CLCN5: variants seen among roughly 807,000 people sequenced by gnomAD.
The protein encoded by CLCN5 is H(+)/Cl(-) exchange transporter 5.
Under a neutral mutation model 54.0 loss-of-function variants are expected in CLCN5, and 17 were observed. That is an observed-to-expected ratio of 0.31 (90% CI 0.22 to 0.47). The LOEUF is 0.47. Ranked by LOEUF, CLCN5 falls within the 20% of genes least tolerant of loss-of-function variation. The pLI is 1.00. For synonymous variants in CLCN5, 222 were observed against 233.0 expected, an observed-to-expected ratio of 0.95 and a Z score of 0.43; for missense variants, 448 against 646.7, an observed-to-expected ratio of 0.69 and a Z score of 3.33.
intron 3 of CLCN5, among the ~76,000 whole-genome samples, chrX:49,964,897 G>A (rs192573144): frequency 2.7e-5 from 3 of 110,929 alleles, no homozygotes; most frequent in East Asian, 5.7e-4. Flanking sequence ...CCTACAGACC[G>A]CACATAGGAT....
intron 3 of CLCN5, among the ~76,000 whole-genome samples, chrX:50,007,422 TC>T (rs1569538567): frequency 0.069 from 6,742 of 97,276 alleles, 591 homozygotes; most frequent in African/African-American, 0.3. Context: ...TCTCTCTCTC[TC>T]TCTCTCTCTC....
At chrX:49,956,822 C>G (rs1226491740) in intron 3 of CLCN5, among the ~76,000 whole-genome samples, 1 of 111,932 alleles carries the variant, frequency 8.9e-6, no homozygotes, top group Non-Finnish European at 1.9e-5. Context: ...TTCTAGCGTT[C>G]TTTATATGAC....
At chrX:50,031,597 C>CT (rs1194609676) in intron 3 of CLCN5, among the ~76,000 whole-genome samples, 1 of 111,581 alleles carries the variant, frequency 9.0e-6, no homozygotes, top group African/African-American at 3.3e-5. Context: ...TGTCATTCCT[C>CT]TGAGAACTAG....
At chrX:49,925,340 A>C (rs1557167870) in intron 3 of CLCN5, 26 bp downstream of exon 3, 12 of 1,200,403 alleles carry the variant, frequency 1.0e-5, no homozygotes, top group Non-Finnish European at 1.1e-5. Context: ...TTATTCTTCT[A>C]ACTGGTTTTT....
chrX:50,029,616 C>T (rs1381049883), intron 3 of CLCN5, among the ~76,000 whole-genome samples: 1 of 111,275 alleles, frequency 9.0e-6, no homozygotes, highest in African/African-American at 3.3e-5. Context: ...TTATATGCAG[C>T]CAAAAAACAC....
intron 3 of CLCN5, among the ~76,000 whole-genome samples, chrX:50,030,475 G>A (rs1003742839): frequency 2.7e-5 from 3 of 111,592 alleles, no homozygotes; most frequent in Non-Finnish European, 3.8e-5. Context: ...GTATAGGTAT[G>A]CATTCATGTA....
intron 3 of CLCN5, among the ~76,000 whole-genome samples, chrX:49,944,147 TTTTATTCTC>T (rs1301668157): frequency 9.0e-6 from 1 of 111,643 alleles, no homozygotes; most frequent in Non-Finnish European, 1.9e-5. Flanking sequence ...TTACTAGGTA[TTTTATTCTC>T]TTTGTAGCAA....
intron 3 of CLCN5, among the ~76,000 whole-genome samples, chrX:49,942,587 A>G (rs1210606997): frequency 1.3e-5 from 1 of 76,798 alleles, no homozygotes; most frequent in African/African-American, 5.4e-5. Context: ...CCGGTGTGTG[A>G]TGTTCCCCTT....
In CLCN5 at chrX:50,088,630, C is replaced by T. The variant is rs376587015; in HGVS notation, c.1558-68C>T. ...GTTTGCTTTGCAGAGGGTCAGTCCTCCAGCCCTTACCATGTGCCAAGCAAT... is the reference window on the plus strand; with the variant it reads ...GTTTGCTTTGCAGAGGGTCAGTCCTTCAGCCCTTACCATGTGCCAAGCAAT... On this transcript the variant is annotated intron_variant, in intron 11 of 14. Transcript: ENST00000376091. 497 of 1,032,937 alleles carry T rather than the reference C, an allele frequency of 4.8e-4. 1 individual carries two copies. In the South Asian group the frequency reaches 8.7e-3, roughly 18 times the overall value. 85.1% of individuals were successfully genotyped at this position (1,032,937 alleles called of 1,213,427 possible). A position where few individuals can be genotyped will look rare whatever the true frequency, so the allele number is the denominator to read the frequency against.
chrX:49,941,920 C>CTTTTTTTTTTTTTTTT, intron 3 of CLCN5, among the ~76,000 whole-genome samples: 1 of 60,566 alleles, frequency 1.7e-5, no homozygotes, highest in Non-Finnish European at 2.9e-5. Flanking sequence ...CAATCAGTAT[C>CTTTTTTTTTTTTTTTT]TTTTTTTTTT....
intron 3 of CLCN5, among the ~76,000 whole-genome samples, chrX:50,040,818 G>A: frequency 8.9e-6 from 1 of 111,797 alleles, no homozygotes; most frequent in Middle Eastern, 4.6e-3. Flanking sequence ...AATGATTCAT[G>A]CATAGTAGGT....
At chrX:50,063,066 A>G (rs1297549828) in intron 4 of CLCN5, among the ~76,000 whole-genome samples, 1 of 109,709 alleles carries the variant, frequency 9.1e-6, no homozygotes, top group Non-Finnish European at 1.9e-5. Context: ...GGAAAGATCT[A>G]AAATTGACAC....
chrX:50,090,363 G>A lies in CLCN5; in HGVS notation c.1992G>A (p.Leu664=). 8.3e-7 allele frequency: 1 copy of A among 1,211,672 alleles called. No homozygotes were observed. The highest frequency in any genetic ancestry group is 1.1e-6 in the Non-Finnish European group (1 of 895,433). Residue 664 remains leucine (L), a synonymous_variant, in exon 13 of 15, where the codon TTG becomes TTA. Transcript: ENST00000376091. The part of the protein sequence containing the change: ...DVMKPRRNDP[L]LTVLTQDSMT... ...TGAAACCCCGGAGAAATGATCCTTT[G>A]TTGACTGTCCTTACTCAGGACAGTA...
At position 49,955,392 on chromosome X, in the gene CLCN5, TG is replaced by T. The variant is rs1476002481; in HGVS notation, c.16+30079del. Among the ~76,000 whole-genome samples, 385 of 106,197 alleles carry T rather than the reference TG, an allele frequency of 3.6e-3. 2 individuals are homozygous for T. Among genetic ancestry groups the T allele is most frequent in the Non-Finnish European group, 6.1e-3 (318 of 52,523 alleles). The allele number at this position is 106,197 out of a possible 115,157, so 92.2% of individuals were successfully genotyped here. On this transcript the variant is annotated intron_variant, in intron 3 of 14. Transcript: ENST00000376091. ...GTATTTGTGTTTTACAGAGTTGGCA[TG>T]TTTTTTTTTTTTTAACAGCTTCCGA...
intron 12 of CLCN5, 66 bp downstream of exon 12, chrX:50,088,950 A>G (rs1933987665): frequency 1.1e-5 from 11 of 1,006,174 alleles, no homozygotes; most frequent in Middle Eastern, 3.5e-4. Flanking sequence ...AGTTTATTAA[A>G]CACAGTTGAC....
rs1557193895 is a variant in CLCN5 at position 50,086,321 on chromosome X, C to G, written c.1015-7C>G. ...CTGAGTTTGCTTTCTCACCTTCTTTCTTCTAGGTCAGCTACTATTTTCCCC... is the reference window on the plus strand; with the variant it reads ...CTGAGTTTGCTTTCTCACCTTCTTTGTTCTAGGTCAGCTACTATTTTCCCC... On this transcript the variant is annotated splice_region_variant and splice_polypyrimidine_tract_variant and intron_variant, in intron 10 of 14. Transcript: ENST00000376091. The G allele has an allele frequency of 1.7e-6, 2 of 1,206,595 alleles. No individual in the cohort carries two copies. The highest frequency in any genetic ancestry group is 4.4e-5 in the Admixed American group (2 of 45,600).
At position 50,080,609 on chromosome X, in the gene CLCN5, A is replaced by G. The variant is rs782014828; in HGVS notation, c.619A>G (p.Ile207Val). The change falls in exon 8 of 15, where the codon ATA becomes GTA. Residue 207 changes from isoleucine to valine, a missense_variant. Around this residue, in one of 5 missense-constraint regions of CLCN5, gnomAD observed 40 missense variants for 27.8 expected, o/e 1.44. Coordinates refer to ENST00000376091, the MANE Select transcript of CLCN5 (RefSeq NM_001127898.4). ...CCTGTTCCAGGGAGCCTTTGCCTACATAGTCAATTATTTCATGTACGTCCT... is the reference window on the plus strand; with the variant it reads ...CCTGTTCCAGGGAGCCTTTGCCTACGTAGTCAATTATTTCATGTACGTCCT... ...ISTDEGAFAYIVNYFMYVLWA... is the reference protein window; with the variant it reads ...ISTDEGAFAYVVNYFMYVLWA... 8.3e-7 allele frequency: 1 copy of G among 1,208,009 alleles called. No individual in the cohort carries two copies. The highest frequency in any genetic ancestry group is 1.8e-5 in the African/African-American group (1 of 57,140).
chrX:49,970,707 T>C (rs925089678), intron 3 of CLCN5, among the ~76,000 whole-genome samples: 6 of 112,296 alleles, frequency 5.3e-5, no homozygotes, highest in African/African-American at 1.9e-4. Context: ...TTACAAATAA[T>C]GCTACTATGA....
At chrX:50,079,323 G>T (rs572046264) in intron 7 of CLCN5, among the ~76,000 whole-genome samples, 1 of 112,117 alleles carries the variant, frequency 8.9e-6, no homozygotes, top group South Asian at 3.8e-4. Context: ...TGAGCATTCT[G>T]GTTCTCTTTG....
Sources: gnomAD v4.1 joint callset for allele counts (sites outside exome capture counted in the v4.1 genomes callset) on GRCh38, gnomAD v4.1.1 for gene constraint, gnomAD v4.1.1 regional missense constraint, MANE v1.5 for transcripts, NCBI Gene and HGNC (gene_info 2026-07-23, HGNC 2026-07-21) for gene names.